KLHDC10: variants seen among roughly 807,000 people sequenced by gnomAD.
KLHDC10 encodes kelch domain-containing protein 10.
A neutral mutation model predicts 56.1 loss-of-function variants in KLHDC10; 24 were observed. The observed-to-expected ratio is 0.43, with a 90% confidence interval of 0.31 to 0.60. The LOEUF (loss-of-function observed/expected upper bound fraction) is 0.60, where lower values mean the gene tolerates loss of function less well. KLHDC10 is among the 20% of genes least tolerant of loss of function. KLHDC10 has a pLI of 0.11. For missense variants in KLHDC10, 349 were observed against 567.0 expected (o/e 0.62, Z 3.91); for synonymous variants, 188 against 207.1 (o/e 0.91, Z 0.79).
rs1479919505 is a variant in KLHDC10 at position 130,132,311 on chromosome 7, T to A, written c.*1565T>A. On this transcript the variant is annotated 3_prime_UTR_variant, in exon 10 of 10. Transcript: ENST00000335420. ...TTTTTCACCTAGCTTTTAAAGTTAT[T>A]CTTTGTCCTTCATCTCAGAAGGGAT... 2 of 152,180 alleles carry A rather than the reference T, an allele frequency of 1.3e-5. No homozygotes were observed. Among genetic ancestry groups the A allele is most frequent in the Non-Finnish European group, 2.9e-5 (2 of 68,030 alleles). The allele number at this position is 152,180 out of a possible 1,614,324, so 9.4% of individuals were successfully genotyped here.
chr7:130,071,736 T>C (rs1249419451), intron 1 of KLHDC10, among the ~76,000 whole-genome samples: 1 of 152,252 alleles, frequency 6.6e-6, no homozygotes, highest in Non-Finnish European at 1.5e-5. Context: ...GATGTGTTAA[T>C]TATTCATCGT....
chr7:130,129,459 TA>T lies in KLHDC10; in HGVS notation c.1004del (p.Asn335MetfsTer4). On this transcript the variant is annotated frameshift_variant, in exon 9 of 10. Coordinates refer to ENST00000335420, the MANE Select transcript of KLHDC10 (RefSeq NM_014997.4). LOFTEE classifies it high-confidence loss of function. Reference protein sequence around the residue: ...KNDVFICGGYNGEVILGDIWK... With the variant: ...KNDVFICGGYXGEVILGDIWK... ...TAGATGTATTTATTTGTGGGGGCTA[TA>T]ATGGAGAGGTGATCCTGGGAGATAT... is the stretch of plus-strand genomic sequence containing the variant. 6.2e-7 allele frequency: 1 copy of T among 1,614,178 alleles called. No individual in the cohort carries two copies. The highest frequency in any genetic ancestry group is 8.5e-7 in the Non-Finnish European group (1 of 1,180,028).
At chr7:130,087,973 C>G (rs930647627) in intron 1 of KLHDC10, among the ~76,000 whole-genome samples, 49 of 151,990 alleles carry the variant, frequency 3.2e-4, no homozygotes, top group African/African-American at 1.1e-3. Flanking sequence ...GTTGGCCAGG[C>G]TGGTCTCGAA....
intron 8 of KLHDC10, among the ~76,000 whole-genome samples, 185 bp from the exon 9 acceptor site, chr7:130,129,252 T>C (rs1796363514): frequency 1.3e-5 from 2 of 152,140 alleles, no homozygotes; most frequent in Admixed American, 6.5e-5. Flanking sequence ...GACCCTGACA[T>C]AGCATCTCAG....
In KLHDC10 at chr7:130,132,171, G is replaced by A. The variant is rs1295853395; in HGVS notation, c.*1425G>A. ...TCACCATGCGCATGTGTAAGCCGCA[G>A]GTGTACTCAAGGTGCTGAAGGCGTG... is the stretch of plus-strand genomic sequence containing the variant. On this transcript the variant is annotated 3_prime_UTR_variant, in exon 10 of 10. Transcript: ENST00000335420. 3 of 152,168 alleles carry A rather than the reference G, an allele frequency of 2.0e-5. No homozygotes were observed. The highest frequency in any genetic ancestry group is 7.2e-5 in the African/African-American group (3 of 41,424). The allele number at this position is 152,168 out of a possible 1,614,324, so 9.4% of individuals were successfully genotyped here. A position where few individuals can be genotyped will look rare whatever the true frequency, so the allele number is the denominator to read the frequency against.
At chr7:130,077,672 C>T (rs1341125472) in intron 1 of KLHDC10, among the ~76,000 whole-genome samples, 1 of 150,374 alleles carries the variant, frequency 6.7e-6, no homozygotes, top group African/African-American at 2.4e-5. Context: ...TCTCCTGCCT[C>T]AGCCTCCCAA....
chr7:130,087,067 C>T (rs908200739), intron 1 of KLHDC10, among the ~76,000 whole-genome samples: 3 of 152,146 alleles, frequency 2.0e-5, no homozygotes, highest in African/African-American at 7.2e-5. Context: ...AGGACAAAAC[C>T]TTGTCCAAGG....
intron 1 of KLHDC10, among the ~76,000 whole-genome samples, chr7:130,087,564 G>A (rs1795708306): frequency 6.6e-6 from 1 of 152,036 alleles, no homozygotes; most frequent in Non-Finnish European, 1.5e-5. Flanking sequence ...GTTGAATGGT[G>A]TTTTTTCTTT....
rs1302945791 is a variant in KLHDC10, at chr7:130,115,589, C to T, written c.254-856C>T. Among the ~76,000 whole-genome samples, 6 of 151,618 alleles carry T rather than the reference C, an allele frequency of 4.0e-5. No homozygotes were observed. The South Asian group carries it at 6.3e-4, about 16-fold the overall frequency. On this transcript the variant is annotated intron_variant, in intron 2 of 9. Coordinates refer to ENST00000335420, the MANE Select transcript of KLHDC10 (RefSeq NM_014997.4). Reference sequence around the variant, plus strand: ...AATTAGCCAGGCATGGTGGCGGGCACCTATAATCCCAGCTACTTGGGAGGC... The same window carrying T: ...AATTAGCCAGGCATGGTGGCGGGCATCTATAATCCCAGCTACTTGGGAGGC...
At position 130,130,321 on chromosome 7, in the gene KLHDC10, C is replaced by CAA. The variant is rs35574079; in HGVS notation, c.1120-203_1120-202dup. On this transcript the variant is annotated intron_variant, in intron 9 of 9. Transcript: ENST00000335420. The surrounding 1 kb of genome is among the most constrained non-coding windows in gnomAD (Gnocchi z 4.2). The stretch of plus-strand genomic sequence containing the variant: ...TGGGCGACAGAGTGAGACTCTGTCT[C>CAA]AAAAAAAAAAAAAATCATATATATA... Among the ~76,000 whole-genome samples the CAA allele has an allele frequency of 4.6e-5, 5 of 107,570 alleles. No homozygotes were observed. Among genetic ancestry groups the CAA allele is most frequent in the African/African-American group, 1.4e-4 (4 of 28,076 alleles). The allele number at this position is 107,570 out of a possible 152,430, so 70.6% of individuals were successfully genotyped here.
At chr7:130,072,638 C>T (rs988211432) in intron 1 of KLHDC10, among the ~76,000 whole-genome samples, 1 of 152,058 alleles carries the variant, frequency 6.6e-6, no homozygotes, top group Non-Finnish European at 1.5e-5. Flanking sequence ...CATTTTAAGC[C>T]TCTCCCTTTT....
intron 6 of KLHDC10, among the ~76,000 whole-genome samples, chr7:130,125,045 T>G (rs1796296801): frequency 1.3e-5 from 2 of 152,226 alleles, no homozygotes. Context: ...CTGGACTGCT[T>G]GGAACCTTAA....
chr7:130,120,625 G>A lies in KLHDC10; in HGVS notation c.476-124G>A, dbSNP rs918588690. 5.2e-6 allele frequency: 5 copies of A among 961,400 alleles called. No individual in the cohort carries two copies. The African/African-American group carries it at 8.3e-5, about 16-fold the overall frequency. The allele number at this position is 961,400 out of a possible 1,614,324, so 59.6% of individuals were successfully genotyped here. On this transcript the variant is annotated intron_variant, in intron 3 of 9. Coordinates refer to ENST00000335420, the MANE Select transcript of KLHDC10 (RefSeq NM_014997.4). This position sits in a 1 kb window ranked among gnomAD's most constrained non-coding sequence, Gnocchi z 5.1. ...GCTCAGCTACTAGTTAGATGTCAGTGGTTTGAGCTATCTTATGAGATCATT... is the reference window on the plus strand; with the variant it reads ...GCTCAGCTACTAGTTAGATGTCAGTAGTTTGAGCTATCTTATGAGATCATT...
intron 3 of KLHDC10, among the ~76,000 whole-genome samples, chr7:130,117,877 A>T (rs1047962448): frequency 6.8e-6 from 1 of 147,754 alleles, no homozygotes; most frequent in Admixed American, 6.8e-5. Flanking sequence ...AAAAAAAAGA[A>T]AAAGAGGCCG....
chr7:130,116,816 G>T lies in KLHDC10; in HGVS notation c.475+150G>T. ...CTTTTTACTAGGGTAATAACAGTATGGTGATTCCAAATTATTTGGGTCCTG... is the reference window on the plus strand; with the variant it reads ...CTTTTTACTAGGGTAATAACAGTATTGTGATTCCAAATTATTTGGGTCCTG... On this transcript the variant is annotated intron_variant, in intron 3 of 9. Coordinates refer to ENST00000335420, the MANE Select transcript of KLHDC10 (RefSeq NM_014997.4). The surrounding 1 kb of genome is among the most constrained non-coding windows in gnomAD (Gnocchi z 4.8). 1.5e-6 allele frequency: 1 copy of T among 651,444 alleles called. No homozygotes were observed. Among genetic ancestry groups the T allele is most frequent in the Non-Finnish European group, 2.6e-6 (1 of 379,772 alleles). 40.4% of individuals were successfully genotyped at this position (651,444 alleles called of 1,614,324 possible).
intron 2 of KLHDC10, among the ~76,000 whole-genome samples, chr7:130,108,328 C>T (rs536124786): frequency 6.6e-6 from 1 of 152,084 alleles, no homozygotes; most frequent in South Asian, 2.1e-4. Context: ...ATAAAATCCT[C>T]AAGGGACTTT....
intron 2 of KLHDC10, among the ~76,000 whole-genome samples, chr7:130,115,711 T>C: frequency 1.9e-5 from 1 of 52,420 alleles, no homozygotes; most frequent in Non-Finnish European, 3.6e-5. Context: ...TGAGACTTGG[T>C]CTCAAAAAAA....
At chr7:130,079,857 C>A (rs539303035) in intron 1 of KLHDC10, among the ~76,000 whole-genome samples, 7 of 146,568 alleles carry the variant, frequency 4.8e-5, no homozygotes, top group East Asian at 4.1e-4. Flanking sequence ...TCCTTCCCTC[C>A]CTTCCTCCCT....
At chr7:130,091,474 A>T (rs374628670) in intron 1 of KLHDC10, among the ~76,000 whole-genome samples, 2 of 152,206 alleles carry the variant, frequency 1.3e-5, no homozygotes, top group African/African-American at 4.8e-5. Context: ...ACTTCTATCA[A>T]TTTGACTTGG....
Sources: allele counts gnomAD v4.1 joint callset (sites outside exome capture counted in the v4.1 genomes callset), GRCh38; gene constraint gnomAD v4.1.1; non-coding constraint Gnocchi (gnomAD v3.1); transcripts MANE v1.5; gene names NCBI Gene and HGNC (gene_info 2026-07-23, HGNC 2026-07-21).